The following LMO7 variants were observed in gnomAD, a reference collection of about 807,000 sequenced individuals.
The protein encoded by LMO7 is LIM domain 7, also known as LIM domain only protein 7.
LMO7 carries 120 observed loss-of-function variants against 206.5 expected under a neutral mutation model. The observed-to-expected ratio is 0.58, with a 90% CI of 0.50 to 0.68. The LOEUF is 0.68. LMO7 is among the 30% of genes least tolerant of loss of function. The pLI is 0.00. For synonymous variants in LMO7, 706 were observed against 681.5 expected (o/e 1.04, Z -0.56); for missense variants, 1,959 against 1,957.9 (o/e 1.00, Z -0.01).
At chr13:75,704,737 T>C (rs184080321) in intron 1 of LMO7, among the ~76,000 whole-genome samples, 4 of 152,296 alleles carry the variant, frequency 2.6e-5, no homozygotes, top group Admixed American at 1.3e-4. Context: ...ATTTAAGTCA[T>C]GTGGATTATG....
chr13:75,654,754 T>C (rs1458258825), intron 1 of LMO7, among the ~76,000 whole-genome samples: 1 of 152,166 alleles, frequency 6.6e-6, no homozygotes, highest in Non-Finnish European at 1.5e-5. Flanking sequence ...GGTCTATCGT[T>C]TTTTCTCCTC....
intron 3 of LMO7, among the ~76,000 whole-genome samples, chr13:75,738,755 T>A (rs1011879642): frequency 6.6e-6 from 1 of 152,208 alleles, no homozygotes; most frequent in African/African-American, 2.4e-5. Flanking sequence ...ACAGGTGAGA[T>A]ATCCTGATGG....
rs377311075 is a variant in LMO7 at position 75,649,422 on chromosome 13, TAG to T, written c.69+12703_69+12704del. Among the ~76,000 whole-genome samples the T allele has an allele frequency of 3.5e-4, 54 of 152,262 alleles. No individual in the cohort carries two copies. In the East Asian group the frequency reaches 7.3e-3, roughly 21 times the overall value. On this transcript the variant is annotated intron_variant, in intron 1 of 30. Transcript: ENST00000377534. ...AAGCACTGATTTTATGAAAGATAAG[TAG>T]AGAGAGTAGGATTATGAATAGTGTT...
At chr13:75,805,800 TCAGTACCC>T (rs751499359) in intron 9 of LMO7, 40 bp downstream of exon 9, 2 of 1,594,016 alleles carry the variant, frequency 1.3e-6, no homozygotes, top group East Asian at 4.5e-5. Flanking sequence ...CAGTGTTCAT[TCAGTACCC>T]CAGCTGGGGT....
chr13:75,710,707 A>G (rs1314982742), intron 1 of LMO7, among the ~76,000 whole-genome samples: 2 of 151,972 alleles, frequency 1.3e-5, no homozygotes, highest in African/African-American at 4.8e-5. Context: ...GGCTGAGATG[A>G]TGGGGTTTTC....
At chr13:75,752,312 G>A (rs558919008) in intron 3 of LMO7, among the ~76,000 whole-genome samples, 1 of 151,934 alleles carries the variant, frequency 6.6e-6, no homozygotes, top group Non-Finnish European at 1.5e-5. Flanking sequence ...TGTATTTTTA[G>A]TAGAGACGGG....
Position 75,833,104 on chromosome 13 carries a change from T to C in LMO7, c.3003T>C (p.Leu1001=). ...TAAACCAGACGCCTGGGAAGAGTCT[T>C]GACTTTGGGTTTACAATAAAATGGG... ...ISINQTPGKS[L]DFGFTIKWDI... The change falls in exon 16 of 31, where the codon CTT becomes CTC. Residue 1001 remains leucine, a synonymous_variant. Coordinates refer to ENST00000377534, the MANE Select transcript of LMO7 (RefSeq NM_001306080.2). 1 of 1,612,194 alleles carries C rather than the reference T, an allele frequency of 6.2e-7. No individual in the cohort carries two copies. The highest frequency in any genetic ancestry group is 8.5e-7 in the Non-Finnish European group (1 of 1,178,416).
intron 1 of LMO7, among the ~76,000 whole-genome samples, chr13:75,683,743 T>G (rs1340384982): frequency 1.3e-5 from 2 of 152,202 alleles, no homozygotes; most frequent in African/African-American, 4.8e-5. Context: ...TAGGGAGATA[T>G]ACATCAATAC....
At chr13:75,847,870 A>T (rs2060120150) in intron 26 of LMO7, among the ~76,000 whole-genome samples, 1 of 152,132 alleles carries the variant, frequency 6.6e-6, no homozygotes, top group African/African-American at 2.4e-5. Context: ...TTATGTTCTC[A>T]TGCAGCACCC....
chr13:75,797,067 T>C (rs1257125622), intron 6 of LMO7, among the ~76,000 whole-genome samples: 3 of 152,206 alleles, frequency 2.0e-5, no homozygotes, highest in Non-Finnish European at 4.4e-5. Context: ...GCTTAAGTAT[T>C]GCTATACTCA....
intron 26 of LMO7, among the ~76,000 whole-genome samples, chr13:75,846,806 G>GC (rs2060029554): frequency 6.6e-6 from 1 of 152,148 alleles, no homozygotes; most frequent in South Asian, 2.1e-4. Flanking sequence ...AAGAGGCCAG[G>GC]CACGGTGGCT....
At chr13:75,809,415 C>G (rs990692326) in intron 11 of LMO7, among the ~76,000 whole-genome samples, 1 of 152,136 alleles carries the variant, frequency 6.6e-6, no homozygotes, top group Non-Finnish European at 1.5e-5. Context: ...AGCTTCATCC[C>G]TTCTTTTTTC....
chr13:75,821,055 G>A (rs1016880729), intron 13 of LMO7, 122 bp from the exon 14 acceptor site: 1 of 666,474 alleles, frequency 1.5e-6, no homozygotes, highest in African/African-American at 1.8e-5. Flanking sequence ...GTGTTGTATT[G>A]ATTCTTGTGT....
intron 3 of LMO7, among the ~76,000 whole-genome samples, chr13:75,735,677 C>T (rs554832559): frequency 4.6e-4 from 69 of 150,638 alleles, no homozygotes; most frequent in Admixed American, 3.7e-3. Context: ...GGTTTCACCA[C>T]GTTGGCCCGG....
chr13:75,830,994 A>ATT (rs879847930), intron 15 of LMO7, among the ~76,000 whole-genome samples: 2 of 147,114 alleles, frequency 1.4e-5, no homozygotes, highest in African/African-American at 2.5e-5. Flanking sequence ...TCTAAGTCAG[A>ATT]TTTTTTTTTT....
intron 3 of LMO7, among the ~76,000 whole-genome samples, chr13:75,746,084 A>G (rs626182): frequency 0.48 from 72,487 of 151,952 alleles, 17,904 homozygotes; most frequent in African/African-American, 0.61. Context: ...GACGTAGTCA[A>G]ATTTTCCACG....
At chr13:75,698,897 C>G (rs538395441) in intron 1 of LMO7, among the ~76,000 whole-genome samples, 1 of 152,096 alleles carries the variant, frequency 6.6e-6, no homozygotes, top group South Asian at 2.1e-4. Context: ...ACAGAATTGC[C>G]GAGCCATCAC....
rs145598007 is a variant in LMO7, at chr13:75,731,701, G to C, written c.210+4603G>C. On this transcript the variant is annotated intron_variant, in intron 3 of 30. Transcript: ENST00000377534. ...TGTTAGCTGGTTATTTTGCTCGTTA[G>C]TTGATGTAGTTTCTTCCTAGTCTCG... 2.7e-3 allele frequency among the ~76,000 whole-genome samples: 413 copies of C among 151,990 alleles called. 3 individuals carry two copies. Among genetic ancestry groups the C allele is most frequent in the African/African-American group, 9.8e-3 (405 of 41,426 alleles).
In LMO7 at chr13:75,807,947, CA is replaced by C; in HGVS notation, c.1668del (p.Lys556AsnfsTer22). 6.2e-7 allele frequency: 1 copy of C among 1,613,926 alleles called. No homozygotes were observed. Among genetic ancestry groups the C allele is most frequent in the South Asian group, 1.1e-5 (1 of 91,070 alleles). On this transcript the variant is annotated frameshift_variant, in exon 10 of 31. Transcript: ENST00000377534. LOFTEE classifies it high-confidence loss of function. Reference protein sequence around the residue: ...EPWTLPPEIQAKFLCVLERTC... With the variant: ...EPWTLPPEIQXKFLCVLERTC... The stretch of plus-strand genomic sequence containing the variant: ...TGGACTCTTCCTCCAGAAATTCAAG[CA>C]AAATTTCTCTGTGTACTTGAAAGGA...
Sources: allele counts gnomAD v4.1 joint callset (sites outside exome capture counted in the v4.1 genomes callset), GRCh38; gene constraint gnomAD v4.1.1; transcripts MANE v1.5; gene names NCBI Gene and HGNC (gene_info 2026-07-23, HGNC 2026-07-21).